The following NXPE2 variants were observed in gnomAD, a reference collection of about 807,000 sequenced individuals.
NXPE2 encodes the protein NXPE family member 2.
NXPE2 carries 34 observed loss-of-function variants against 34.4 expected under a neutral mutation model. The observed-to-expected ratio is 0.99, with a 90% CI of 0.75 to 1.31. The LOEUF is 1.31. Ranked by LOEUF, NXPE2 falls within the 40% of genes most tolerant of loss-of-function variation. The probability of loss-of-function intolerance (pLI) is 0.00; values close to 1 mark genes in which losing one functional copy is unlikely to be tolerated. For synonymous variants in NXPE2, 235 were observed against 231.3 expected, an observed-to-expected ratio of 1.02 and a Z score of -0.15; for missense variants, 649 against 672.5, an observed-to-expected ratio of 0.97 and a Z score of 0.39.
intron 2 of NXPE2, among the ~76,000 whole-genome samples, chr11:114,695,830 A>AACACACACACACACAC (rs67132329): frequency 0.034 from 4,464 of 132,500 alleles, 145 homozygotes; most frequent in African/African-American, 0.06. Flanking sequence ...GTCTCTACTA[A>AACACACACACACACAC]ACACACACAC....
the NXPE2 span, among the ~76,000 whole-genome samples, chr11:114,480,545 AG>A: frequency 6.6e-6 from 1 of 152,150 alleles, no homozygotes; most frequent in Non-Finnish European, 1.5e-5. Context: ...AAAAATGGAG[AG>A]CAATGAGCTC....
rs1381300315 is a variant in NXPE2, at chr11:114,706,432, T to G, written c.1182T>G (p.Phe394Leu). 6.4e-7 allele frequency: 1 copy of G among 1,550,438 alleles called. No homozygotes were observed. ...KYFDHHGAGI[F>L]KTHVLLDVER... ...TTGATCATCATGGAGCTGGGATCTT[T>G]AAAACACATGTTCTTCTGGATGTTG... is the stretch of plus-strand genomic sequence containing the variant. The change falls in exon 6 of 6, where the codon TTT (phenylalanine) becomes TTG (leucine). Residue 394 changes from phenylalanine to leucine, a missense_variant. By Grantham distance (22) the Phe-to-Leu change is conservative (BLOSUM62 0). Coordinates refer to ENST00000389586, the MANE Select transcript of NXPE2 (RefSeq NM_182495.6).
the NXPE2 span, among the ~76,000 whole-genome samples, chr11:114,658,504 G>C: frequency 7.9e-5 from 12 of 152,226 alleles, no homozygotes; most frequent in East Asian, 5.8e-4. Context: ...AGGCCTGGAG[G>C]GGGAGGGTAG....
At chr11:114,577,104 T>C in the NXPE2 span, among the ~76,000 whole-genome samples, 1 of 141,992 alleles carries the variant, frequency 7.0e-6, no homozygotes, top group Non-Finnish European at 1.5e-5. Flanking sequence ...TATAAAGTTA[T>C]ATATATACAC....
chr11:114,680,203 CT>C (rs1950925966), intron 2 of NXPE2, among the ~76,000 whole-genome samples: 1 of 152,096 alleles, frequency 6.6e-6, no homozygotes, highest in South Asian at 2.1e-4. Flanking sequence ...CTTCCAGTTT[CT>C]TTTCTTCCCA....
At chr11:114,700,582 T>C (rs567220042) in intron 3 of NXPE2, among the ~76,000 whole-genome samples, 1 of 152,298 alleles carries the variant, frequency 6.6e-6, no homozygotes, top group Admixed American at 6.5e-5. Flanking sequence ...CATCTATGTC[T>C]GTCAGGAAGT....
At chr11:114,739,464 T>C in the NXPE2 span, among the ~76,000 whole-genome samples, 1 of 148,756 alleles carries the variant, frequency 6.7e-6, no homozygotes, top group East Asian at 2.0e-4. Flanking sequence ...CCTCCCTCCT[T>C]CTTCAGTAAA....
At chr11:114,801,891 A>G in the NXPE2 span, among the ~76,000 whole-genome samples, 39 of 152,194 alleles carry the variant, frequency 2.6e-4, no homozygotes, top group Admixed American at 3.9e-4. Context: ...GTGTTGGACA[A>G]GTCAGATCAA....
the NXPE2 span, among the ~76,000 whole-genome samples, chr11:114,619,602 T>C: frequency 7.0e-6 from 1 of 143,278 alleles, no homozygotes. Context: ...AACCAGTGCT[T>C]CCCAGTGGAA....
the NXPE2 span, among the ~76,000 whole-genome samples, chr11:114,601,698 A>AT: frequency 1.8e-5 from 1 of 54,194 alleles, no homozygotes; most frequent in African/African-American, 7.0e-5. Flanking sequence ...ATATATTTAT[A>AT]ATTCTTTATA....
rs748750381 is a variant in NXPE2, at chr11:114,706,934, A to G, written c.*4A>G. 1.9e-5 allele frequency: 29 copies of G among 1,533,106 alleles called. No individual in the cohort carries two copies. Among genetic ancestry groups the G allele is most frequent in the African/African-American group, 2.8e-5 (2 of 72,516 alleles). The allele number at this position is 1,533,106 out of a possible 1,614,324, so 95.0% of individuals were successfully genotyped here. A position where few individuals can be genotyped will look rare whatever the true frequency, so the allele number is the denominator to read the frequency against. On this transcript the variant is annotated 3_prime_UTR_variant, in exon 6 of 6. Coordinates refer to ENST00000389586, the MANE Select transcript of NXPE2 (RefSeq NM_182495.6). ...GTTCTTAAACTACATTTGTTAGAGG[A>G]AAAATACAAAAATAGCACTAGCCAC...
chr11:114,551,534 A>G, the NXPE2 span: 1 of 440,904 alleles, frequency 2.3e-6, no homozygotes, highest in Non-Finnish European at 3.1e-6. Flanking sequence ...GAGAAGCAGA[A>G]AACTTAATTC....
the NXPE2 span, among the ~76,000 whole-genome samples, chr11:114,617,097 TAA>T: frequency 5.3e-5 from 8 of 151,998 alleles, no homozygotes; most frequent in Admixed American, 3.9e-4. Context: ...GCATGGATAA[TAA>T]GTGTTGCCTC....
chr11:114,778,169 G>A, the NXPE2 span, among the ~76,000 whole-genome samples: 2 of 152,280 alleles, frequency 1.3e-5, no homozygotes, highest in Non-Finnish European at 2.9e-5. Flanking sequence ...ACTCAAAAAA[G>A]TTAAATAGGA....
chr11:114,574,365 G>T, the NXPE2 span, among the ~76,000 whole-genome samples: 1 of 151,834 alleles, frequency 6.6e-6, no homozygotes, highest in Non-Finnish European at 1.5e-5. Flanking sequence ...GATCAGAGCA[G>T]AAGTAAATGA....
the NXPE2 span, among the ~76,000 whole-genome samples, chr11:114,766,571 T>A: frequency 6.6e-6 from 1 of 152,106 alleles, no homozygotes; most frequent in South Asian, 2.1e-4. Flanking sequence ...TCCCCAAGTT[T>A]TTCTTCCCTC....
At chr11:114,570,766 C>T in the NXPE2 span, 1 of 525,546 alleles carries the variant, frequency 1.9e-6, no homozygotes, top group South Asian at 3.3e-5. Context: ...AAGTGGAAGC[C>T]CAGATTAGAA....
At chr11:114,499,871 G>T in the NXPE2 span, among the ~76,000 whole-genome samples, 1 of 151,798 alleles carries the variant, frequency 6.6e-6, no homozygotes, top group Admixed American at 6.6e-5. Flanking sequence ...CTTACAGTAT[G>T]TGCTCTTTTG....
At chr11:114,602,580 CAT>C in the NXPE2 span, among the ~76,000 whole-genome samples, 3 of 139,134 alleles carry the variant, frequency 2.2e-5, no homozygotes, top group African/African-American at 7.7e-5. Context: ...ATAATTATCT[CAT>C]ATATAAATTA....
Sources: allele counts gnomAD v4.1 joint callset (sites outside exome capture counted in the v4.1 genomes callset), GRCh38; gene constraint gnomAD v4.1.1; transcripts MANE v1.5; gene names NCBI Gene and HGNC (gene_info 2026-07-23, HGNC 2026-07-21).